Variants in MAP3K9 observed in about 807,000 individuals in gnomAD.
MAP3K9 encodes the protein mitogen-activated protein kinase kinase kinase 9, also known as mixed lineage kinase 1 (tyr and ser/thr specificity).
Under a neutral mutation model 95.8 loss-of-function variants are expected in MAP3K9, and 46 were observed. That is an observed-to-expected ratio of 0.48 (90% confidence interval 0.38 to 0.61). The LOEUF is 0.61. MAP3K9 is among the 20% of genes least tolerant of loss of function. The probability of loss-of-function intolerance (pLI) is 0.00; values close to 1 mark genes in which losing one functional copy is unlikely to be tolerated. For synonymous variants in MAP3K9, 533 were observed against 593.8 expected, an observed-to-expected ratio of 0.90 and a Z score of 1.49; for missense variants, 1,296 against 1,474.3, an observed-to-expected ratio of 0.88 and a Z score of 1.98.
In MAP3K9 at chr14:70,794,841, C is replaced by T. The variant is rs1031729237; in HGVS notation, c.820+5826G>A. ...TACAGGCACGTACCACCATGCCCGG[C>T]TAGCTTTTTGTATTTTTAGTAGAGA... is the stretch of plus-strand genomic sequence containing the variant. On this transcript the variant is annotated intron_variant, in intron 2 of 11. Coordinates refer to ENST00000554752, the MANE Select transcript of MAP3K9 (RefSeq NM_001284230.2). Among the ~76,000 whole-genome samples the T allele has an allele frequency of 2.6e-5, 4 of 151,716 alleles. No homozygotes were observed. In the East Asian group the frequency reaches 7.7e-4, roughly 29 times the overall value.
chr14:70,796,622 A>G (rs1221480303), intron 2 of MAP3K9, among the ~76,000 whole-genome samples: 1 of 152,186 alleles, frequency 6.6e-6, no homozygotes, highest in Non-Finnish European at 1.5e-5. Flanking sequence ...ACTCTGTCCA[A>G]TTAACACAAG....
At chr14:70,806,109 G>A (rs1371133039) in intron 1 of MAP3K9, among the ~76,000 whole-genome samples, 5 of 152,166 alleles carry the variant, frequency 3.3e-5, no homozygotes, top group South Asian at 2.1e-4. Flanking sequence ...TAACTCTGGC[G>A]ATGAAGTGTC....
At chr14:70,740,206 C>G in intron 6 of MAP3K9, 42 bp from the exon 7 acceptor site, 1 of 1,583,586 alleles carries the variant, frequency 6.3e-7, no homozygotes, top group South Asian at 1.1e-5. Context: ...TTAACATTTC[C>G]CATAATTAAA....
At chr14:70,752,710 G>A (rs780568854) in intron 3 of MAP3K9, among the ~76,000 whole-genome samples, 31 of 152,108 alleles carry the variant, frequency 2.0e-4, no homozygotes, top group Admixed American at 5.2e-4. Context: ...AAAGACAGAC[G>A]GTATCTGGGC....
intron 1 of MAP3K9, among the ~76,000 whole-genome samples, chr14:70,806,436 T>C (rs1331991384): frequency 6.6e-6 from 1 of 152,198 alleles, no homozygotes; most frequent in Non-Finnish European, 1.5e-5. Context: ...AAAAATTAAT[T>C]CTAGTCAAGA....
At chr14:70,742,267 G>T (rs866959807) in intron 6 of MAP3K9, 84 bp downstream of exon 6, 2 of 1,529,454 alleles carry the variant, frequency 1.3e-6, no homozygotes, top group South Asian at 2.5e-5. Flanking sequence ...ATGTTTCCAA[G>T]CTCAGTCCCG....
chr14:70,733,864 C>T (rs2139707834), intron 10 of MAP3K9: 2 of 714,940 alleles, frequency 2.8e-6, no homozygotes, highest in East Asian at 2.7e-5. Context: ...CTGTTTCTCC[C>T]TTCTGGAGAG....
At position 70,747,674 on chromosome 14, in the gene MAP3K9, C is replaced by T. The variant is rs572037291; in HGVS notation, c.1326+1155G>A. 1.1e-3 allele frequency among the ~76,000 whole-genome samples: 168 copies of T among 152,300 alleles called. 1 individual carries two copies. The highest frequency in any genetic ancestry group is 3.9e-3 in the African/African-American group (160 of 41,548). ...ACAATAATAACACCTGGCCTACATA[C>T]TGATGGCAGGAGCCATAGGACTCCT... On this transcript the variant is annotated intron_variant, in intron 5 of 11. Coordinates refer to ENST00000554752, the MANE Select transcript of MAP3K9 (RefSeq NM_001284230.2).
At chr14:70,750,561 T>A (rs891491390) in intron 3 of MAP3K9, among the ~76,000 whole-genome samples, 4 of 152,184 alleles carry the variant, frequency 2.6e-5, no homozygotes, top group Non-Finnish European at 5.9e-5. Flanking sequence ...CTCGGCTCAC[T>A]GCAACCTCCA....
At position 70,740,081 on chromosome 14, in the gene MAP3K9, CAGG is replaced by C; in HGVS notation, c.1648_1650del (p.Pro550del). 6.2e-7 allele frequency: 1 copy of C among 1,614,172 alleles called. No individual in the cohort carries two copies. Among genetic ancestry groups the C allele is most frequent in the Non-Finnish European group, 8.5e-7 (1 of 1,180,042 alleles). ...AGGCGAGGAATGATGGTGGGGCTTG[CAGG>C]AGGACTGGAGCGGCTGTTGATAAGA... On this transcript the variant is annotated inframe_deletion, in exon 7 of 12. Transcript: ENST00000554752.
At chr14:70,792,686 G>A (rs750952861) in intron 2 of MAP3K9, among the ~76,000 whole-genome samples, 3 of 152,152 alleles carry the variant, frequency 2.0e-5, no homozygotes, top group African/African-American at 4.8e-5. Context: ...TCTACCATGC[G>A]TGCAGGACGA....
chr14:70,762,502 T>C (rs2054389630), intron 2 of MAP3K9, among the ~76,000 whole-genome samples: 1 of 152,240 alleles, frequency 6.6e-6, no homozygotes, highest in Non-Finnish European at 1.5e-5. Flanking sequence ...CTAATGATAT[T>C]GAACATCTAT....
intron 6 of MAP3K9, 127 bp from the exon 7 acceptor site, chr14:70,740,291 C>T (rs530125520): frequency 1.0e-6 from 1 of 968,072 alleles, no homozygotes; most frequent in African/African-American, 1.7e-5. Context: ...TCTTTGTTCA[C>T]CTGGGAAATG....
rs778353767 is a variant in MAP3K9, at chr14:70,730,559, G to A, written c.3136C>T (p.Arg1046Trp). Residue 1046 changes from arginine to tryptophan, a missense_variant, in exon 12 of 12, where the codon CGG becomes TGG. By Grantham distance (101) the Arg-to-Trp change is moderately radical (BLOSUM62 -3). Transcript: ENST00000554752. ...GGGAGCAGGGCTGGAAGTCCAGGCC[G>A]CTCCTCTACAGTGCTGCTACTGCTA... ...FASSSSTVEE[R>W]PGLPALLPFQ... is the part of the protein sequence containing the mutation. 6.8e-6 allele frequency: 11 copies of A among 1,613,864 alleles called. No individual in the cohort carries two copies. Among genetic ancestry groups the A allele is most frequent in the African/African-American group, 4.0e-5 (3 of 74,950 alleles).
At chr14:70,796,961 C>G (rs2054871609) in intron 2 of MAP3K9, among the ~76,000 whole-genome samples, 1 of 152,218 alleles carries the variant, frequency 6.6e-6, no homozygotes, top group Non-Finnish European at 1.5e-5. Context: ...TACGGTCAAT[C>G]TAAACTCAAT....
chr14:70,735,940 A>G, intron 9 of MAP3K9, 21 bp downstream of exon 9: 1 of 1,566,728 alleles, frequency 6.4e-7, no homozygotes, highest in Non-Finnish European at 8.8e-7. Context: ...CAGCTGGTGA[A>G]AGGGTGAAGA....
Position 70,734,397 on chromosome 14 carries a change from A to G in MAP3K9, c.2015T>C (p.Leu672Pro), listed in dbSNP as rs1265207599. 1 of 1,613,058 alleles carries G rather than the reference A, an allele frequency of 6.2e-7. No homozygotes were observed. Among genetic ancestry groups the G allele is most frequent in the Non-Finnish European group, 8.5e-7 (1 of 1,179,102 alleles). The change falls in exon 10 of 12, where the codon CTT (leucine) becomes CCT (proline). Residue 672 changes from leucine (L) to proline (P), a missense_variant. This residue lies in a region of MAP3K9 where 377 missense variants were observed against 417.1 expected (regional missense o/e 0.90). Transcript: ENST00000554752. Reference sequence around the variant, plus strand: ...GGAGCTATGCTTACCCATCTCCATAAGGCTGGTGAACCCTGGCAGGGCCGG... The same window carrying G: ...GGAGCTATGCTTACCCATCTCCATAGGGCTGGTGAACCCTGGCAGGGCCGG... ...SSPALPGFTSLMEMEDEDSEG... is the reference protein window; with the variant it reads ...SSPALPGFTSPMEMEDEDSEG...
At chr14:70,803,547 T>C (rs992328516) in intron 1 of MAP3K9, among the ~76,000 whole-genome samples, 1 of 152,156 alleles carries the variant, frequency 6.6e-6, no homozygotes, top group Non-Finnish European at 1.5e-5. Flanking sequence ...TCCACTCAGA[T>C]GCTGGTGGTG....
intron 2 of MAP3K9, among the ~76,000 whole-genome samples, chr14:70,797,692 C>T (rs1440793312): frequency 6.6e-6 from 1 of 152,258 alleles, no homozygotes; most frequent in East Asian, 1.9e-4. Flanking sequence ...GATCACACCA[C>T]TGCACTCCAG....
Sources: allele counts gnomAD v4.1 joint callset (sites outside exome capture counted in the v4.1 genomes callset), GRCh38; gene constraint gnomAD v4.1.1; regional missense constraint gnomAD v4.1.1; transcripts MANE v1.5; gene names NCBI Gene and HGNC (gene_info 2026-07-23, HGNC 2026-07-21).